Variants in GABRB3 observed in about 807,000 individuals in gnomAD.
GABRB3 encodes the protein gamma-aminobutyric acid receptor subunit beta-3.
GABRB3 carries 14 observed loss-of-function variants against 52.1 expected under a neutral mutation model. That is an observed-to-expected ratio of 0.27 (90% CI 0.18 to 0.42). The LOEUF (loss-of-function observed/expected upper bound fraction) is 0.42, where lower values mean the gene tolerates loss of function less well. Among genes scored for constraint, GABRB3 ranks in the 10% least tolerant of loss-of-function variants. GABRB3 has a pLI of 1.00. For synonymous variants in GABRB3, 260 were observed against 232.3 expected (o/e 1.12, Z -1.08); for missense variants, 307 against 609.1 (o/e 0.50, Z 5.22).
chr15:26,676,942 T>C (rs1383632663), intron 3 of GABRB3, among the ~76,000 whole-genome samples: 1 of 152,192 alleles, frequency 6.6e-6, no homozygotes, highest in Non-Finnish European at 1.5e-5. Flanking sequence ...AGCAATAATA[T>C]TAACTAGAGA....
intron 3 of GABRB3, among the ~76,000 whole-genome samples, chr15:26,743,558 C>T (rs1351940669): frequency 6.6e-6 from 1 of 152,096 alleles, no homozygotes; most frequent in East Asian, 1.9e-4. Flanking sequence ...GCTAAGTGTT[C>T]ACATAAAGGT....
At chr15:26,557,591 T>A (rs759811327) in intron 8 of GABRB3, 5 of 152,204 alleles carry the variant, frequency 3.3e-5, no homozygotes, top group Non-Finnish European at 7.3e-5. Flanking sequence ...ATCACTAAAG[T>A]CTTAGGTGTA....
intron 4 of GABRB3, among the ~76,000 whole-genome samples, chr15:26,605,716 A>C (rs1395661495): frequency 6.6e-6 from 1 of 152,188 alleles, no homozygotes; most frequent in East Asian, 1.9e-4. Context: ...GTGAGATCTA[A>C]ATATCAAAAC....
intron 3 of GABRB3, among the ~76,000 whole-genome samples, chr15:26,713,440 G>C (rs1398306449): frequency 6.6e-6 from 1 of 152,106 alleles, no homozygotes; most frequent in East Asian, 1.9e-4. Flanking sequence ...TGGCAGCTCA[G>C]TCGCCTGGTG....
At chr15:26,559,185 C>A (rs1889884473) in intron 8 of GABRB3, among the ~76,000 whole-genome samples, 1 of 152,212 alleles carries the variant, frequency 6.6e-6, no homozygotes, top group African/African-American at 2.4e-5. Flanking sequence ...AATTGTTGAG[C>A]ACCATCCCTT....
At chr15:26,704,867 G>A (rs1178183390) in intron 3 of GABRB3, among the ~76,000 whole-genome samples, 1 of 152,096 alleles carries the variant, frequency 6.6e-6, no homozygotes, top group Non-Finnish European at 1.5e-5. Flanking sequence ...AGGAGAATGA[G>A]GCTTTCCCTT....
At chr15:26,565,613 T>G (rs1337783375) in intron 7 of GABRB3, among the ~76,000 whole-genome samples, 2 of 152,216 alleles carry the variant, frequency 1.3e-5, no homozygotes, top group Non-Finnish European at 2.9e-5. Context: ...TATAACTTAA[T>G]GAAATTGGGT....
chr15:26,598,547 G>T (rs1481428398), intron 4 of GABRB3, among the ~76,000 whole-genome samples: 1 of 152,132 alleles, frequency 6.6e-6, no homozygotes, highest in Non-Finnish European at 1.5e-5. Flanking sequence ...CAAATTAGAA[G>T]AGTAAAAAGA....
At chr15:26,760,996 C>T (rs1268473575) in intron 3 of GABRB3, among the ~76,000 whole-genome samples, 3 of 152,180 alleles carry the variant, frequency 2.0e-5, no homozygotes, top group Non-Finnish European at 4.4e-5. Flanking sequence ...TCAATATTGT[C>T]CTCTTATGAG....
At chr15:26,719,110 C>T (rs372760665) in intron 3 of GABRB3, among the ~76,000 whole-genome samples, 113 of 152,266 alleles carry the variant, frequency 7.4e-4, no homozygotes, top group Non-Finnish European at 1.2e-3. Flanking sequence ...ACATGCACAT[C>T]GGTCTGAATT....
chr15:26,680,946 C>T (rs538156538), intron 3 of GABRB3, among the ~76,000 whole-genome samples: 98 of 152,250 alleles, frequency 6.4e-4, no homozygotes, highest in African/African-American at 2.3e-3. Context: ...AAACTTGTGT[C>T]CTTCCTCTTG....
chr15:26,615,751 A>G, intron 4 of GABRB3: 7 of 1,124,848 alleles, frequency 6.2e-6, no homozygotes, highest in Non-Finnish European at 7.7e-6. Context: ...AAAGAAGCGT[A>G]GAGGAGCTAA....
intron 3 of GABRB3, among the ~76,000 whole-genome samples, chr15:26,703,105 C>T (rs922446605): frequency 2.0e-5 from 3 of 152,170 alleles, no homozygotes; most frequent in African/African-American, 7.2e-5. Flanking sequence ...CTAATCACCT[C>T]CCAAATGCCC....
intron 3 of GABRB3, among the ~76,000 whole-genome samples, chr15:26,666,960 T>C (rs1374836516): frequency 6.6e-6 from 1 of 152,090 alleles, no homozygotes; most frequent in African/African-American, 2.4e-5. Context: ...CAAGGAGTTA[T>C]CCATCCCTTC....
intron 3 of GABRB3, among the ~76,000 whole-genome samples, chr15:26,744,858 CGT>C (rs1476452301): frequency 6.6e-5 from 10 of 152,020 alleles, no homozygotes; most frequent in Non-Finnish European, 1.5e-4. Flanking sequence ...TAAGTGTATA[CGT>C]GTGTGTGTTT....
At chr15:26,570,269 C>T (rs868207511) in intron 6 of GABRB3, among the ~76,000 whole-genome samples, 5 of 152,178 alleles carry the variant, frequency 3.3e-5, no homozygotes, top group East Asian at 1.9e-4. Flanking sequence ...AACAGCAAAC[C>T]GGTTTCTCCA....
chr15:26,568,730 T>G (rs1890281352), intron 6 of GABRB3, among the ~76,000 whole-genome samples: 1 of 146,360 alleles, frequency 6.8e-6, no homozygotes, highest in Non-Finnish European at 1.5e-5. Context: ...TTGGCCAGAC[T>G]GGTCTTGAAC....
At chr15:26,736,331 A>G (rs188811522) in intron 3 of GABRB3, among the ~76,000 whole-genome samples, 126 of 152,370 alleles carry the variant, frequency 8.3e-4, no homozygotes, top group African/African-American at 2.6e-3. Context: ...TTACTTTCCC[A>G]TTAGTATAAA....
rs142126097 is a variant in GABRB3, at chr15:26,602,665, T to C, written c.461+18649A>G. ...GAACAATAGGTTCCTGAATGACCAG[T>C]GGGTCAATGAAGAAATTAAGAAAGA... is the stretch of plus-strand genomic sequence containing the variant. On this transcript the variant is annotated intron_variant, in intron 4 of 8. Transcript: ENST00000311550. Among the ~76,000 whole-genome samples the C allele has an allele frequency of 2.0e-3, 298 of 152,080 alleles. 6 individuals are homozygous for C. The East Asian group carries it at 0.037, about 19-fold the overall frequency.
Sources: gnomAD v4.1 joint callset for allele counts (sites outside exome capture counted in the v4.1 genomes callset) on GRCh38, gnomAD v4.1.1 for gene constraint, MANE v1.5 for transcripts, NCBI Gene and HGNC (gene_info 2026-07-23, HGNC 2026-07-21) for gene names.